GABRG3: variants seen among roughly 807,000 people sequenced by gnomAD.
GABRG3 encodes gamma-aminobutyric acid receptor subunit gamma-3.
In GABRG3, 25 loss-of-function variants were observed where a neutral mutation model predicts 48.8. The ratio of observed to expected loss-of-function variants is 0.51; its 90% confidence interval spans 0.37 to 0.72. The LOEUF (loss-of-function observed/expected upper bound fraction) is 0.72. Ranked by LOEUF, GABRG3 falls within the 30% of genes least tolerant of loss-of-function variation. The pLI is 0.00. For synonymous variants in GABRG3, 227 were observed against 217.6 expected (o/e 1.04, Z -0.38); for missense variants, 394 against 577.9 (o/e 0.68, Z 3.26).
At chr15:27,015,280 G>A (rs1245742598) in intron 2 of GABRG3, among the ~76,000 whole-genome samples, 1 of 151,994 alleles carries the variant, frequency 6.6e-6, no homozygotes, top group Non-Finnish European at 1.5e-5. Context: ...ATTACTGATA[G>A]GGAAGGACTT....
intron 3 of GABRG3, among the ~76,000 whole-genome samples, chr15:27,225,887 A>G (rs1314913067): frequency 6.6e-6 from 1 of 152,162 alleles, no homozygotes; most frequent in East Asian, 1.9e-4. Flanking sequence ...CGGAGCTTCC[A>G]GGGGAGGAGG....
At chr15:27,356,308 C>G (rs1029809042) in intron 5 of GABRG3, among the ~76,000 whole-genome samples, 6 of 152,142 alleles carry the variant, frequency 3.9e-5, no homozygotes, top group African/African-American at 7.2e-5. Flanking sequence ...CAAAGTTGAC[C>G]TCTCACAACT....
At chr15:27,290,741 G>A (rs1891769025) in intron 3 of GABRG3, among the ~76,000 whole-genome samples, 1 of 152,176 alleles carries the variant, frequency 6.6e-6, no homozygotes, top group African/African-American at 2.4e-5. Flanking sequence ...GGCTAAATGT[G>A]ATCTGGTGTC....
intron 3 of GABRG3, among the ~76,000 whole-genome samples, chr15:27,110,430 AT>A (rs1382526223): frequency 5.9e-5 from 9 of 151,886 alleles, no homozygotes; most frequent in Non-Finnish European, 1.0e-4. Flanking sequence ...AACATAAAAG[AT>A]TTTTTTATTT....
At chr15:27,419,298 A>C (rs888773791) in intron 5 of GABRG3, among the ~76,000 whole-genome samples, 1 of 151,890 alleles carries the variant, frequency 6.6e-6, no homozygotes, top group Admixed American at 6.6e-5. Context: ...CACAGCTTTC[A>C]TGACCACCCG....
chr15:27,327,057 C>T (rs1447336564), intron 4 of GABRG3, 28 bp downstream of exon 4: 4 of 1,568,132 alleles, frequency 2.6e-6, no homozygotes, highest in East Asian at 2.3e-5. Context: ...TCTTTGATTA[C>T]TCCTGGTTTA....
chr15:27,392,766 T>G (rs531926764), intron 5 of GABRG3, among the ~76,000 whole-genome samples: 3 of 152,212 alleles, frequency 2.0e-5, no homozygotes, highest in African/African-American at 7.2e-5. Flanking sequence ...TTTGCTTCTA[T>G]CAGTAGAGAC....
At chr15:27,324,718 A>G (rs1260491212) in intron 3 of GABRG3, among the ~76,000 whole-genome samples, 2 of 152,178 alleles carry the variant, frequency 1.3e-5, no homozygotes, top group African/African-American at 2.4e-5. Flanking sequence ...CCAGCTTCAC[A>G]TGTGCACAGC....
rs536336582 is a variant in GABRG3 at position 27,269,293 on chromosome 15, T to C, written c.271-57516T>C. ...ACCAATACTTTTTTAAAAGTTTCTA[T>C]TGGTCTACTTTATCCTGTACCTCCC... On this transcript the variant is annotated intron_variant, in intron 3 of 9. Coordinates refer to ENST00000615808, the MANE Select transcript of GABRG3 (RefSeq NM_033223.5). Among the ~76,000 whole-genome samples the C allele has an allele frequency of 3.9e-5, 6 of 152,320 alleles. No homozygotes were observed. In the South Asian group the frequency reaches 1.2e-3, roughly 32 times the overall value.
chr15:27,121,623 T>C (rs1897733594), intron 3 of GABRG3, among the ~76,000 whole-genome samples: 1 of 152,198 alleles, frequency 6.6e-6, no homozygotes, highest in Non-Finnish European at 1.5e-5. Context: ...CACCTACTGT[T>C]CCAAGCTCTT....
intron 3 of GABRG3, among the ~76,000 whole-genome samples, chr15:27,147,986 AAGAAT>A (rs1209528062): frequency 6.6e-6 from 1 of 151,982 alleles, no homozygotes; most frequent in African/African-American, 2.4e-5. Flanking sequence ...CAAATGAAAA[AAGAAT>A]AGAAAGCAAT....
intron 3 of GABRG3, among the ~76,000 whole-genome samples, chr15:27,228,747 T>G (rs1391069970): frequency 2.0e-5 from 3 of 152,242 alleles, no homozygotes; most frequent in African/African-American, 7.2e-5. Context: ...AACTTTTTAC[T>G]GATAGCCATT....
intron 3 of GABRG3, among the ~76,000 whole-genome samples, chr15:27,237,234 C>T (rs896559248): frequency 2.0e-5 from 3 of 152,198 alleles, no homozygotes; most frequent in African/African-American, 7.2e-5. Flanking sequence ...TGCTGACCCA[C>T]GAGCAGAGTT....
chr15:27,022,563 G>A lies in GABRG3; in HGVS notation c.203-4191G>A, dbSNP rs140826341. 5.8e-3 allele frequency among the ~76,000 whole-genome samples: 877 copies of A among 152,236 alleles called. 29 individuals are homozygous for A. The highest frequency in any genetic ancestry group is 0.041 in the Admixed American group (624 of 15,288). On this transcript the variant is annotated intron_variant, in intron 2 of 9. Coordinates refer to ENST00000615808, the MANE Select transcript of GABRG3 (RefSeq NM_033223.5). ...GTCAAGTCCCAAAGGAATTGATGTC[G>A]GGAACTTTCTTCAAATAAAATACAA...
chr15:27,431,922 A>G, intron 5 of GABRG3, among the ~76,000 whole-genome samples: 1 of 152,098 alleles, frequency 6.6e-6, no homozygotes, highest in East Asian at 1.9e-4. Context: ...GGAGTGTAGT[A>G]TTTAATTTCC....
At chr15:27,087,170 G>A (rs574958631) in intron 3 of GABRG3, among the ~76,000 whole-genome samples, 13 of 152,230 alleles carry the variant, frequency 8.5e-5, no homozygotes, top group Non-Finnish European at 1.6e-4. Flanking sequence ...GGGAGTTTGA[G>A]CTGATCGAAA....
In GABRG3 at chr15:27,026,748, C is replaced by T; in HGVS notation, c.203-6C>T. The T allele has an allele frequency of 3.1e-6, 5 of 1,608,126 alleles. No individual in the cohort carries two copies. Among genetic ancestry groups the T allele is most frequent in the Non-Finnish European group, 4.2e-6 (5 of 1,177,286 alleles). On this transcript the variant is annotated splice_region_variant and splice_polypyrimidine_tract_variant and intron_variant, in intron 2 of 9. Coordinates refer to ENST00000615808, the MANE Select transcript of GABRG3 (RefSeq NM_033223.5). ...AGTATTAACATACATGTATTTTTCT[C>T]CACAGTAAAACCGACCGTAATTGAC...
rs548041361 is a variant in GABRG3, at chr15:27,270,398, G to A, written c.271-56411G>A. Among the ~76,000 whole-genome samples, 24 of 152,302 alleles carry A rather than the reference G, an allele frequency of 1.6e-4. No homozygotes were observed. The South Asian group carries it at 5.0e-3, about 32-fold the overall frequency. The stretch of plus-strand genomic sequence containing the variant: ...GTAGAGTCCCTCAACAGCTGGTCAT[G>A]TGGCCCTGTTTGTTCGACTCAGAAA... On this transcript the variant is annotated intron_variant, in intron 3 of 9. Coordinates refer to ENST00000615808, the MANE Select transcript of GABRG3 (RefSeq NM_033223.5).
At chr15:27,198,917 T>C (rs1381566522) in intron 3 of GABRG3, among the ~76,000 whole-genome samples, 1 of 152,114 alleles carries the variant, frequency 6.6e-6, no homozygotes, top group African/African-American at 2.4e-5. Context: ...ACATCGCATG[T>C]TCTCACTCCT....
Sources: allele counts gnomAD v4.1 joint callset (sites outside exome capture counted in the v4.1 genomes callset), GRCh38; gene constraint gnomAD v4.1.1; transcripts MANE v1.5; gene names NCBI Gene and HGNC (gene_info 2026-07-23, HGNC 2026-07-21).